Variants in INTU observed in about 807,000 individuals in gnomAD.
INTU encodes protein inturned.
A neutral mutation model predicts 100.5 loss-of-function variants in INTU; 68 were observed. That is an observed-to-expected ratio of 0.68 (90% CI 0.56 to 0.83). The LOEUF is 0.83. Ranked by LOEUF, INTU falls within the 40% of genes least tolerant of loss-of-function variation. INTU has a pLI of 0.00. For synonymous variants in INTU, 357 were observed against 395.7 expected (o/e 0.90, Z 1.16); for missense variants, 1,071 against 1,114.7 (o/e 0.96, Z 0.56).
At chr4:127,687,115 A>C (rs1237653438) in intron 7 of INTU, 1 of 152,236 alleles carries the variant, frequency 6.6e-6, no homozygotes, top group African/African-American at 2.4e-5. Flanking sequence ...AATAATAAGC[A>C]TAATAAGAAC....
rs1731286187 is a variant in INTU at position 127,717,513 on chromosome 4, A to T, written c.*1077A>T. 6.6e-6 allele frequency: 1 copy of T among 152,176 alleles called. No homozygotes were observed. The highest frequency in any genetic ancestry group is 6.5e-5 in the Admixed American group (1 of 15,280). The allele number at this position is 152,176 out of a possible 1,614,324, so 9.4% of individuals were successfully genotyped here. A position where few individuals can be genotyped will look rare whatever the true frequency, so the allele number is the denominator to read the frequency against. ...CTTTGAGTATAAACCCAGTAATGGG[A>T]TTGCTGGGTCAAATGGCATTTCTGG... On this transcript the variant is annotated 3_prime_UTR_variant, in exon 16 of 16. Coordinates refer to ENST00000335251, the MANE Select transcript of INTU (RefSeq NM_015693.4).
chr4:127,644,221 A>G (rs1727468052), intron 2 of INTU, among the ~76,000 whole-genome samples, 165 bp downstream of exon 2: 1 of 152,240 alleles, frequency 6.6e-6, no homozygotes, highest in Non-Finnish European at 1.5e-5. Context: ...GTGCACTACA[A>G]GGCACAGTGT....
intron 6 of INTU, among the ~76,000 whole-genome samples, chr4:127,677,352 C>G (rs1256413812): frequency 2.0e-5 from 3 of 146,416 alleles, no homozygotes; most frequent in Non-Finnish European, 4.4e-5. Context: ...AGGCACCCCC[C>G]AGTAGGGGCA....
rs575390957 is a variant in INTU at position 127,651,700 on chromosome 4, G to A, written c.683-4936G>A. ...TGGCTTAGGATTGCCTTGGCGATGC[G>A]GGCTCTTTTTTGGTTCCATATGAAC... On this transcript the variant is annotated intron_variant, in intron 2 of 15. Transcript: ENST00000335251. 9.2e-4 allele frequency among the ~76,000 whole-genome samples: 140 copies of A among 151,970 alleles called. 1 individual carries two copies. Among genetic ancestry groups the A allele is most frequent in the African/African-American group, 2.9e-3 (118 of 41,298 alleles).
chr4:127,673,635 C>T (rs1729037013), intron 5 of INTU, among the ~76,000 whole-genome samples: 1 of 149,796 alleles, frequency 6.7e-6, no homozygotes, highest in Admixed American at 6.7e-5. Context: ...CTCACTGTGT[C>T]ACCTAGGCTG....
intron 6 of INTU, among the ~76,000 whole-genome samples, chr4:127,680,239 C>T (rs1252045453): frequency 2.0e-5 from 3 of 151,992 alleles, no homozygotes; most frequent in East Asian, 3.9e-4. Flanking sequence ...AGGGAATCCT[C>T]CCTAACTCAT....
chr4:127,659,223 A>T (rs1478516683), intron 3 of INTU, among the ~76,000 whole-genome samples: 1 of 152,176 alleles, frequency 6.6e-6, no homozygotes, highest in East Asian at 1.9e-4. Flanking sequence ...CTGTAAGAAG[A>T]TGCCCTTATC....
chr4:127,678,119 G>A (rs534872477), intron 6 of INTU, among the ~76,000 whole-genome samples: 143 of 152,268 alleles, frequency 9.4e-4, no homozygotes, highest in Non-Finnish European at 1.7e-3. Context: ...CCAAATCTAC[G>A]TCTGATTGGT....
rs2148746424 is a variant in INTU, at chr4:127,723,656, T to A, written c.*7220T>A. 6.6e-6 allele frequency: 1 copy of A among 152,218 alleles called. No individual in the cohort carries two copies. 9.4% of individuals were successfully genotyped at this position (152,218 alleles called of 1,614,324 possible). ...TTAAACTATTTGTCAACTTTATTTTTTTTTGTTTGTTTTTGTTAAAATACA... is the reference window on the plus strand; with the variant it reads ...TTAAACTATTTGTCAACTTTATTTTATTTTGTTTGTTTTTGTTAAAATACA... On this transcript the variant is annotated 3_prime_UTR_variant, in exon 16 of 16. Coordinates refer to ENST00000335251, the MANE Select transcript of INTU (RefSeq NM_015693.4).
intron 9 of INTU, among the ~76,000 whole-genome samples, chr4:127,701,313 T>C (rs755386794): frequency 1.3e-5 from 2 of 152,148 alleles, no homozygotes; most frequent in Non-Finnish European, 2.9e-5. Context: ...GGGAGAGAAG[T>C]TGAGAGAGAT....
At chr4:127,658,190 A>G (rs1375450400) in intron 3 of INTU, among the ~76,000 whole-genome samples, 2 of 152,248 alleles carry the variant, frequency 1.3e-5, no homozygotes, top group African/African-American at 4.8e-5. Context: ...CTTTGTATGC[A>G]CATGTATGTG....
chr4:127,646,671 C>T (rs1364665416), intron 2 of INTU, among the ~76,000 whole-genome samples: 1 of 152,108 alleles, frequency 6.6e-6, no homozygotes, highest in African/African-American at 2.4e-5. Context: ...ACAGGAAAGG[C>T]AGGATAAATG....
At chr4:127,633,302 A>C in intron 1 of INTU, 122 bp downstream of exon 1, 2 of 992,924 alleles carry the variant, frequency 2.0e-6, no homozygotes, top group South Asian at 3.7e-5. Context: ...TTCTATAATA[A>C]GTGGGATTTA....
chr4:127,706,903 T>C lies in INTU; in HGVS notation c.2205T>C (p.Asp735=), dbSNP rs1730907146. The C allele has an allele frequency of 2.5e-6, 4 of 1,614,104 alleles. No homozygotes were observed. Among genetic ancestry groups the C allele is most frequent in the South Asian group, 2.2e-5 (2 of 91,090 alleles). The change falls in exon 12 of 16, where the codon GAT becomes GAC. Residue 735 remains aspartate, a synonymous_variant. Transcript: ENST00000335251. ...DDGFSPHTTP[D]AVRKQRESQG... ...GCTTTAGCCCCCATACTACACCGGA[T>C]GCAGTACGGAAGCAAAGAGAATCTC...
At chr4:127,715,763 A>G (rs905373304) in intron 15 of INTU, among the ~76,000 whole-genome samples, 2 of 152,222 alleles carry the variant, frequency 1.3e-5, no homozygotes, top group Non-Finnish European at 2.9e-5. Flanking sequence ...AATTTTGATA[A>G]TGCAGATTTA....
At chr4:127,669,220 G>A in intron 5 of INTU, 66 bp downstream of exon 5, 3 of 710,034 alleles carry the variant, frequency 4.2e-6, no homozygotes, top group Admixed American at 2.3e-5. Context: ...CTGACAAAAT[G>A]CTAAAACAAG....
rs1032634655 is a variant in INTU, at chr4:127,718,242, C to G, written c.*1806C>G. On this transcript the variant is annotated 3_prime_UTR_variant, in exon 16 of 16. Coordinates refer to ENST00000335251, the MANE Select transcript of INTU (RefSeq NM_015693.4). ...CAGCACCATTTATTAAATAAGGAAT[C>G]CTTTCCCCATTGCTTGTTTTTCTCA... 6 of 152,126 alleles carry G rather than the reference C, an allele frequency of 3.9e-5. No individual in the cohort carries two copies. Among genetic ancestry groups the G allele is most frequent in the African/African-American group, 1.4e-4 (6 of 41,426 alleles). The allele number at this position is 152,126 out of a possible 1,614,324, so 9.4% of individuals were successfully genotyped here.
At chr4:127,643,012 G>T (rs1365694686) in intron 1 of INTU, among the ~76,000 whole-genome samples, 2 of 152,084 alleles carry the variant, frequency 1.3e-5, no homozygotes, top group Non-Finnish European at 2.9e-5. Flanking sequence ...TTATGTAAAA[G>T]TCTGTTAAAG....
At chr4:127,655,124 C>G (rs1033999524) in intron 2 of INTU, among the ~76,000 whole-genome samples, 1 of 152,102 alleles carries the variant, frequency 6.6e-6, no homozygotes, top group Non-Finnish European at 1.5e-5. Flanking sequence ...ATACATTCAT[C>G]TAAATTTTTT....
Sources: gnomAD v4.1 joint callset for allele counts (sites outside exome capture counted in the v4.1 genomes callset) on GRCh38, gnomAD v4.1.1 for gene constraint, MANE v1.5 for transcripts, NCBI Gene and HGNC (gene_info 2026-07-23, HGNC 2026-07-21) for gene names.